The following KCTD1 variants were observed in gnomAD, a reference collection of about 807,000 sequenced individuals.
KCTD1 encodes the protein potassium channel tetramerization domain containing 1.
Under a neutral mutation model 66.0 loss-of-function variants are expected in KCTD1, and 24 were observed. That is an observed-to-expected ratio of 0.36 (90% CI 0.26 to 0.51). The LOEUF (loss-of-function observed/expected upper bound fraction) is 0.51. KCTD1 is among the 20% of genes least tolerant of loss of function. KCTD1 has a pLI of 0.95. For synonymous variants in KCTD1, 511 were observed against 517.2 expected, an observed-to-expected ratio of 0.99 and a Z score of 0.16; for missense variants, 943 against 1,205.2, an observed-to-expected ratio of 0.78 and a Z score of 3.22.
intron 2 of KCTD1, among the ~76,000 whole-genome samples, chr18:26,496,634 TG>T (rs943266419): frequency 2.6e-5 from 4 of 152,060 alleles, no homozygotes; most frequent in African/African-American, 9.7e-5. Context: ...AAAAAACACC[TG>T]ATGATGGAGA....
At chr18:26,518,045 G>T (rs868681988) in intron 1 of KCTD1, among the ~76,000 whole-genome samples, 3 of 152,204 alleles carry the variant, frequency 2.0e-5, no homozygotes, top group African/African-American at 7.2e-5. Flanking sequence ...CTCTGCAGGG[G>T]TAGGAACTGT....
intron 1 of KCTD1, among the ~76,000 whole-genome samples, chr18:26,565,209 C>T (rs531319472): frequency 6.8e-4 from 103 of 152,290 alleles, no homozygotes; most frequent in African/African-American, 2.3e-3. Flanking sequence ...TGTTCCAGAT[C>T]ATCTCTATCT....
At chr18:26,627,446 T>C (rs1398837583) in intron 1 of KCTD1, among the ~76,000 whole-genome samples, 1 of 152,184 alleles carries the variant, frequency 6.6e-6, no homozygotes, top group African/African-American at 2.4e-5. Flanking sequence ...GTCAAAAATA[T>C]CAAGCATCAG....
chr18:26,542,872 C>T (rs1250709126), intron 1 of KCTD1: 2 of 152,128 alleles, frequency 1.3e-5, no homozygotes, highest in Non-Finnish European at 2.9e-5. Flanking sequence ...AAATAATACT[C>T]CTGAATACTG....
Position 26,521,132 on chromosome 18 carries a change from A to T in KCTD1, c.1810-19882T>A, listed in dbSNP as rs755659326. Among the ~76,000 whole-genome samples, 64 of 152,212 alleles carry T rather than the reference A, an allele frequency of 4.2e-4. 1 individual carries two copies. Among genetic ancestry groups the T allele is most frequent in the South Asian group, 1.7e-3 (8 of 4,822 alleles). On this transcript the variant is annotated intron_variant, in intron 1 of 4. Coordinates refer to ENST00000580059, the MANE Select transcript of KCTD1 (RefSeq NM_001142730.3). ...CCAAGTCCTCCCTGGAGATGGGGGGAACCTCAGGGCCCTGAAGGGTGGAGC... is the reference window on the plus strand; with the variant it reads ...CCAAGTCCTCCCTGGAGATGGGGGGTACCTCAGGGCCCTGAAGGGTGGAGC...
At position 26,468,778 on chromosome 18, in the gene KCTD1, C is replaced by G. The variant is rs904276736; in HGVS notation, c.2133+7737G>C. ...AAGAGAACTGCTTGAACCCGGGAGG[C>G]GGAGGTTGCAGTGAGCCGAGATCGT... On this transcript the variant is annotated intron_variant, in intron 3 of 4. Coordinates refer to ENST00000580059, the MANE Select transcript of KCTD1 (RefSeq NM_001142730.3). This position sits in a 1 kb window ranked among gnomAD's most constrained non-coding sequence, Gnocchi z 4.8. Among the ~76,000 whole-genome samples, 1 of 152,060 alleles carries G rather than the reference C, an allele frequency of 6.6e-6. No homozygotes were observed. Among genetic ancestry groups the G allele is most frequent in the Non-Finnish European group, 1.5e-5 (1 of 68,020 alleles).
intron 1 of KCTD1, among the ~76,000 whole-genome samples, chr18:26,621,136 A>G (rs1281357932): frequency 6.6e-6 from 1 of 152,186 alleles, no homozygotes; most frequent in Non-Finnish European, 1.5e-5. Context: ...CACGGCCGAA[A>G]AGAATTCTTT....
intron 1 of KCTD1, among the ~76,000 whole-genome samples, chr18:26,530,501 T>G (rs1984385186): frequency 1.3e-5 from 2 of 152,158 alleles, no homozygotes; most frequent in Admixed American, 1.3e-4. Flanking sequence ...CTTGGTCCTA[T>G]CCCTCCCTCA....
Position 26,657,308 on chromosome 18 carries a change from C to G in KCTD1, c.9+52G>C, listed in dbSNP as rs541866745. The G allele has an allele frequency of 4.3e-5, 42 of 985,014 alleles. No individual in the cohort carries two copies. The East Asian group carries it at 2.6e-3, about 61-fold the overall frequency. 61.0% of individuals were successfully genotyped at this position (985,014 alleles called of 1,614,324 possible). A position where few individuals can be genotyped will look rare whatever the true frequency, so the allele number is the denominator to read the frequency against. On this transcript the variant is annotated intron_variant, in intron 1 of 4. Coordinates refer to the KCTD1 transcript ENST00000580191. ...TAAAAGCGAGTTGCGCCCAAAGTCCCAGCCATACCCTCCTTAGCAAATAAT... is the reference window on the plus strand; with the variant it reads ...TAAAAGCGAGTTGCGCCCAAAGTCCGAGCCATACCCTCCTTAGCAAATAAT...
At chr18:26,571,633 ATTTAT>A (rs1439305166) in intron 1 of KCTD1, among the ~76,000 whole-genome samples, 8 of 152,156 alleles carry the variant, frequency 5.3e-5, no homozygotes, top group Non-Finnish European at 4.4e-5. Context: ...ATTATTTTTT[ATTTAT>A]TTATTTTTTA....
At chr18:26,655,435 TACACACAC>T (rs10631197) in intron 1 of KCTD1, among the ~76,000 whole-genome samples, 4 of 150,760 alleles carry the variant, frequency 2.7e-5, no homozygotes, top group Non-Finnish European at 5.9e-5. Flanking sequence ...CCACTCAGGA[TACACACAC>T]ACACACACAG....
intron 3 of KCTD1, among the ~76,000 whole-genome samples, chr18:26,465,842 C>T (rs1356020468): frequency 6.6e-6 from 1 of 152,178 alleles, no homozygotes; most frequent in East Asian, 1.9e-4. Context: ...GCTCTTCCAT[C>T]CTCCCAGTCC....
At chr18:26,600,233 G>T in intron 1 of KCTD1, 10 of 1,605,970 alleles carry the variant, frequency 6.2e-6, no homozygotes, top group Non-Finnish European at 8.5e-6. Context: ...TGTGGAAACT[G>T]CTACCTGGGT....
chr18:26,518,003 G>C (rs967185117), intron 1 of KCTD1, among the ~76,000 whole-genome samples: 4 of 152,204 alleles, frequency 2.6e-5, no homozygotes, highest in African/African-American at 9.6e-5. Flanking sequence ...ATGGTACTCA[G>C]AATCACCCTA....
intron 3 of KCTD1, among the ~76,000 whole-genome samples, chr18:26,460,273 ACTTGTTT>A (rs1356662678): frequency 6.6e-6 from 1 of 152,150 alleles, no homozygotes; most frequent in Non-Finnish European, 1.5e-5. Flanking sequence ...TTCACCCAAG[ACTTGTTT>A]CTTTTAGTAG....
intron 1 of KCTD1, among the ~76,000 whole-genome samples, chr18:26,516,246 T>A (rs1983650212): frequency 1.3e-5 from 2 of 152,168 alleles, no homozygotes; most frequent in Non-Finnish European, 2.9e-5. Flanking sequence ...TAGTTTTACC[T>A]CCTCATTTTC....
intron 1 of KCTD1, chr18:26,600,117 G>T: frequency 1.2e-6 from 2 of 1,610,382 alleles, no homozygotes; most frequent in Non-Finnish European, 1.7e-6. Flanking sequence ...CTTCTTGTGG[G>T]GAAGGGAAAA....
rs1988113528 is a variant in KCTD1 at position 26,655,489 on chromosome 18, T to C, written c.9+1871A>G. On this transcript the variant is annotated intron_variant, in intron 1 of 4. Transcript: ENST00000580191. ...GCACACATACCGCATAGTCAAGGAT[T>C]TGCTTGAAAGCAGCCAGTTCTATTA... Among the ~76,000 whole-genome samples, 3 of 152,142 alleles carry C rather than the reference T, an allele frequency of 2.0e-5. No homozygotes were observed. The South Asian group carries it at 6.2e-4, about 32-fold the overall frequency.
chr18:26,462,531 A>T (rs1193364409), intron 3 of KCTD1, among the ~76,000 whole-genome samples: 1 of 152,230 alleles, frequency 6.6e-6, no homozygotes, highest in East Asian at 1.9e-4. Context: ...ACTGCTCATC[A>T]TGCTGCCTTG....
Sources: gnomAD v4.1 joint callset for allele counts (sites outside exome capture counted in the v4.1 genomes callset) on GRCh38, gnomAD v4.1.1 for gene constraint, Gnocchi (gnomAD v3.1) non-coding constraint, MANE v1.5 for transcripts, NCBI Gene and HGNC (gene_info 2026-07-23, HGNC 2026-07-21) for gene names.